Variants in PRIM2 observed in about 807,000 individuals in gnomAD.
PRIM2 encodes DNA primase subunit 2, also known as DNA primase large subunit.
In PRIM2, 39 loss-of-function variants were observed where a neutral mutation model predicts 67.3. That is an observed-to-expected ratio of 0.58 (90% confidence interval 0.45 to 0.76). The LOEUF is 0.76. Among genes scored for constraint, PRIM2 ranks in the 30% least tolerant of loss-of-function variants. PRIM2 has a pLI of 0.00. For synonymous variants in PRIM2, 143 were observed against 198.7 expected (o/e 0.72, Z 2.36); for missense variants, 398 against 598.7 (o/e 0.66, Z 3.50).
At chr6:57,250,632 A>C in the PRIM2 span, among the ~76,000 whole-genome samples, 1 of 152,198 alleles carries the variant, frequency 6.6e-6, no homozygotes, top group East Asian at 1.9e-4. Flanking sequence ...GTATGAAAAC[A>C]AGGAGTAAAA....
At chr6:57,306,778 C>T in the PRIM2 span, among the ~76,000 whole-genome samples, 1 of 152,172 alleles carries the variant, frequency 6.6e-6, no homozygotes, top group Non-Finnish European at 1.5e-5. Flanking sequence ...TAACCACTAT[C>T]TTGAATTTGA....
the PRIM2 span, among the ~76,000 whole-genome samples, chr6:57,284,804 G>A: frequency 6.6e-6 from 1 of 151,922 alleles, no homozygotes; most frequent in Non-Finnish European, 1.5e-5. Flanking sequence ...AAGCATACAA[G>A]GATATACATG....
At chr6:57,487,926 C>A (rs1231164406) in intron 7 of PRIM2, among the ~76,000 whole-genome samples, 1 of 152,010 alleles carries the variant, frequency 6.6e-6, no homozygotes, top group African/African-American at 2.4e-5. Flanking sequence ...TAGTTGAAGG[C>A]CTGTTTATAT....
At chr6:57,382,411 T>G (rs1163451914) in intron 7 of PRIM2, 1 of 337,710 alleles carries the variant, frequency 3.0e-6, no homozygotes, top group Non-Finnish European at 5.3e-6. Context: ...TGATTAATTT[T>G]GTGAGTAACC....
intron 7 of PRIM2, among the ~76,000 whole-genome samples, chr6:57,416,479 G>A (rs1397141584): frequency 6.6e-6 from 1 of 152,152 alleles, no homozygotes. Context: ...ATGAGCTTTG[G>A]CTTCCACTTA....
intron 5 of PRIM2, among the ~76,000 whole-genome samples, chr6:57,341,472 C>T (rs2127294125): frequency 6.6e-6 from 1 of 152,184 alleles, no homozygotes; most frequent in African/African-American, 2.4e-5. Context: ...AGACCTTTTC[C>T]CATCTTTTTC....
Position 57,392,469 on chromosome 6 carries a change from GT to G in PRIM2, c.693+10305del, listed in dbSNP as rs536644367. ...TTATTAATCCATCTGATTCTAAAAAGTTTTGCAATAGCCAAAAATTTATCAA... is the reference window on the plus strand; with the variant it reads ...TTATTAATCCATCTGATTCTAAAAAGTTTGCAATAGCCAAAAATTTATCAA... On this transcript the variant is annotated intron_variant, in intron 7 of 13. Coordinates refer to ENST00000615550, the MANE Select transcript of PRIM2 (RefSeq NM_000947.5). Among the ~76,000 whole-genome samples, 302 of 151,994 alleles carry G rather than the reference GT, an allele frequency of 2.0e-3. 1 individual carries two copies. Among genetic ancestry groups the G allele is most frequent in the African/African-American group, 6.9e-3 (288 of 41,454 alleles).
At chr6:57,255,226 T>C in the PRIM2 span, among the ~76,000 whole-genome samples, 4 of 152,060 alleles carry the variant, frequency 2.6e-5, no homozygotes, top group Non-Finnish European at 5.9e-5. Flanking sequence ...GGGCCGGGTG[T>C]GGTGGTGCAC....
At chr6:57,456,006 G>C (rs1484331752) in intron 7 of PRIM2, among the ~76,000 whole-genome samples, 7 of 152,080 alleles carry the variant, frequency 4.6e-5, no homozygotes, top group Admixed American at 3.9e-4. Context: ...CTCAGCATTT[G>C]CTTGTCTGTA....
intron 5 of PRIM2, among the ~76,000 whole-genome samples, chr6:57,350,269 C>A (rs1768818432): frequency 6.6e-6 from 1 of 152,038 alleles, no homozygotes; most frequent in Non-Finnish European, 1.5e-5. Flanking sequence ...GTCTTTGGAT[C>A]ACTTTTGTAT....
At chr6:57,230,098 A>G in the PRIM2 span, among the ~76,000 whole-genome samples, 2 of 152,256 alleles carry the variant, frequency 1.3e-5, no homozygotes, top group African/African-American at 2.4e-5. Context: ...TCACATAGGT[A>G]GCATAAATTC....
At position 57,536,418 on chromosome 6, in the gene PRIM2, G is replaced by A. The variant is rs1436595246; in HGVS notation, c.835-1022G>A. 6.1e-3 allele frequency among the ~76,000 whole-genome samples: 935 copies of A among 152,306 alleles called. 6 individuals are homozygous for A. The highest frequency in any genetic ancestry group is 9.5e-3 in the Non-Finnish European group (646 of 68,018). On this transcript the variant is annotated intron_variant, in intron 9 of 13. Transcript: ENST00000615550. ...ATATTTATTTGAATTTTCCTTATGA[G>A]AAGTTTCTCTTATTTTTGTATTCTG...
chr6:57,501,050 T>A (rs1429955681), intron 7 of PRIM2, among the ~76,000 whole-genome samples: 2 of 152,196 alleles, frequency 1.3e-5, no homozygotes, highest in East Asian at 3.9e-4. Context: ...CTCTTGCTTT[T>A]CCTAGGTGCA....
intron 5 of PRIM2, among the ~76,000 whole-genome samples, chr6:57,355,829 G>C (rs964504062): frequency 4.6e-5 from 7 of 151,918 alleles, no homozygotes; most frequent in African/African-American, 1.5e-4. Context: ...TTTCTGTAGA[G>C]ATGGGTTTTG....
At chr6:57,339,368 A>G (rs1432829223) in intron 5 of PRIM2, among the ~76,000 whole-genome samples, 27 of 152,246 alleles carry the variant, frequency 1.8e-4, no homozygotes, top group Middle Eastern at 3.4e-3. Context: ...TAAAGTTCAT[A>G]TGGAACCAAA....
chr6:57,641,620 CAT>C (rs1156321711), intron 13 of PRIM2, among the ~76,000 whole-genome samples: 1 of 152,130 alleles, frequency 6.6e-6, no homozygotes, highest in Non-Finnish European at 1.5e-5. Context: ...GGCCAACAAA[CAT>C]ATGAAAAAAT....
intron 7 of PRIM2, among the ~76,000 whole-genome samples, chr6:57,449,650 A>C (rs1207736151): frequency 1.1e-4 from 16 of 152,198 alleles, no homozygotes; most frequent in Admixed American, 1.0e-3. Flanking sequence ...TAGTAGCTTT[A>C]AGTGCTTTTC....
intron 12 of PRIM2, among the ~76,000 whole-genome samples, chr6:57,608,306 A>G (rs2127493486): frequency 6.6e-6 from 1 of 152,302 alleles, no homozygotes; most frequent in Non-Finnish European, 1.5e-5. Context: ...GAACTAAGAA[A>G]AGGTGGTTGG....
rs1209978676 is a variant in PRIM2 at position 57,560,931 on chromosome 6, C to T, written c.1020+23306C>T. Among the ~76,000 whole-genome samples the T allele has an allele frequency of 3.3e-3, 507 of 152,296 alleles. 8 individuals carry two copies. Among genetic ancestry groups the T allele is most frequent in the Admixed American group, 0.024 (371 of 15,288 alleles). ...CAGAATGCTAAATTGTCTTTTACTT[C>T]AAGCTACCAGTTGCTATAGCCCCTA... On this transcript the variant is annotated intron_variant, in intron 10 of 13. Transcript: ENST00000615550.
Sources: gnomAD v4.1 joint callset for allele counts (sites outside exome capture counted in the v4.1 genomes callset) on GRCh38, gnomAD v4.1.1 for gene constraint, MANE v1.5 for transcripts, NCBI Gene and HGNC (gene_info 2026-07-23, HGNC 2026-07-21) for gene names.